GRINA: variants seen among roughly 807,000 people sequenced by gnomAD.
The protein encoded by GRINA is protein lifeguard 1.
In GRINA, 26 loss-of-function variants were observed where a neutral mutation model predicts 42.5. The observed-to-expected ratio is 0.61, with a 90% CI of 0.45 to 0.85. The LOEUF (loss-of-function observed/expected upper bound fraction) is 0.85, where lower values mean the gene tolerates loss of function less well. Among genes scored for constraint, GRINA ranks in the 40% least tolerant of loss-of-function variants. GRINA has a pLI of 0.00. For synonymous variants in GRINA, 256 were observed against 204.2 expected (o/e 1.25, Z -2.17); for missense variants, 475 against 481.5 (o/e 0.99, Z 0.13).
rs143329355 is a variant in GRINA at position 143,991,290 on chromosome 8, G to A, written c.67G>A (p.Gly23Arg). The change falls in exon 2 of 7, where the codon GGG becomes AGG. Residue 23 changes from glycine to arginine, a missense_variant. This residue lies in a region of GRINA where 321 missense variants were observed against 267.2 expected (regional missense o/e 1.20). Coordinates refer to ENST00000395068, the MANE Select transcript of GRINA (RefSeq NM_001009184.2). ...TCCTCCCCCCAACCCTGGATATCCG[G>A]GGGGGCCCCAGCCACCCATGCCCCC... ...NYPPPNPGYP[G>R]GPQPPMPPYA... 1.3e-6 allele frequency: 2 copies of A among 1,494,844 alleles called. No individual in the cohort carries two copies. Among genetic ancestry groups the A allele is most frequent in the Non-Finnish European group, 1.8e-6 (2 of 1,106,162 alleles). The allele number at this position is 1,494,844 out of a possible 1,614,324, so 92.6% of individuals were successfully genotyped here.
In GRINA at chr8:143,991,185, G is replaced by C. The variant is rs782344585; in HGVS notation, c.-24-15G>C. On this transcript the variant is annotated splice_polypyrimidine_tract_variant and intron_variant, in intron 1 of 6. Transcript: ENST00000395068. ...CAAGCCAACTGTTCCACTGTTCCTT[G>C]TCTGTCTTCTCTAGGGGCGGACCGC... The C allele has an allele frequency of 1.3e-6, 2 of 1,489,882 alleles. No homozygotes were observed. Among genetic ancestry groups the C allele is most frequent in the South Asian group, 2.6e-5 (2 of 76,340 alleles). 92.3% of individuals were successfully genotyped at this position (1,489,882 alleles called of 1,614,324 possible).
Position 143,992,937 on chromosome 8 carries a change from T to G in GRINA, c.*96T>G. 9.6e-7 allele frequency: 1 copy of G among 1,045,476 alleles called. No individual in the cohort carries two copies. Among genetic ancestry groups the G allele is most frequent in the Non-Finnish European group, 1.4e-6 (1 of 710,768 alleles). 64.8% of individuals were successfully genotyped at this position (1,045,476 alleles called of 1,614,324 possible). On this transcript the variant is annotated 3_prime_UTR_variant, in exon 7 of 7. Coordinates refer to ENST00000395068, the MANE Select transcript of GRINA (RefSeq NM_001009184.2). ...CCAGCTGTACTTCCCCTCTCTCTTG[T>G]CCCCAGGCACAGCCTAGGGAAAAGG...
chr8:143,992,656 G>T (rs1429649780), intron 6 of GRINA, 36 bp from the exon 7 acceptor site: 10 of 1,613,800 alleles, frequency 6.2e-6, no homozygotes, highest in Non-Finnish European at 7.6e-6. Context: ...GGGCAGGCAG[G>T]CTTGTCCCTC....
rs782139363 is a variant in GRINA, at chr8:143,992,578, C to T, written c.936C>T (p.Tyr312=). 198 of 1,614,028 alleles carry T rather than the reference C, an allele frequency of 1.2e-4. No individual in the cohort carries two copies. The highest frequency in any genetic ancestry group is 1.6e-4 in the Middle Eastern group (1 of 6,084). ...GGAACCGCATCCTGGAGATCGTGTA[C>T]GCCTCACTGGGCGCTCTGCTCTTCA... ...FIRNRILEIV[Y]ASLGALLFTC... Residue 312 remains tyrosine, a synonymous_variant, in exon 6 of 7, where the codon TAC becomes TAT. Transcript: ENST00000395068.
At chr8:143,991,659 G>A in intron 2 of GRINA, 33 bp from the exon 3 acceptor site, 4 of 1,592,478 alleles carry the variant, frequency 2.5e-6, no homozygotes, top group Non-Finnish European at 3.4e-6. Flanking sequence ...AGGTGCTTGT[G>A]AGTGGCGCTG....
Position 143,991,955 on chromosome 8 carries a change from G to C in GRINA, c.570G>C (p.Lys190Asn). Residue 190 changes from lysine to asparagine, a missense_variant, in exon 4 of 7, where the codon AAG (lysine) becomes AAC (asparagine). Transcript: ENST00000395068. ...VSVFTFVAEVKGFVRENVWTY... is the reference protein window; with the variant it reads ...VSVFTFVAEVNGFVRENVWTY... Reference sequence around the variant, plus strand: ...TGTTCACTTTTGTTGCGGAGGTGAAGGGCTTTGTCCGGGAGAATGTCTGGA... The same window carrying C: ...TGTTCACTTTTGTTGCGGAGGTGAACGGCTTTGTCCGGGAGAATGTCTGGA... 1 of 1,613,874 alleles carries C rather than the reference G, an allele frequency of 6.2e-7. No individual in the cohort carries two copies. The highest frequency in any genetic ancestry group is 8.5e-7 in the Non-Finnish European group (1 of 1,179,874).
Position 143,991,779 on chromosome 8 carries a change from G to T in GRINA, c.467G>T (p.Ser156Ile), listed in dbSNP as rs782433978. ...CCTGCCACCAACTGGGATGACAAGA[G>T]CATCCGACAGGCCTTCATCCGCAAG... ...DFPATNWDDK[S>I]IRQAFIRKVF... is the part of the protein sequence containing the mutation. Residue 156 changes from serine to isoleucine, a missense_variant, in exon 3 of 7, where the codon AGC (serine) becomes ATC (isoleucine). By Grantham distance (142) the Ser-to-Ile change is moderately radical. This residue lies in a region of GRINA where 321 missense variants were observed against 267.2 expected (regional missense o/e 1.20). Transcript: ENST00000395068. 1 of 1,613,172 alleles carries T rather than the reference G, an allele frequency of 6.2e-7. No individual in the cohort carries two copies. The highest frequency in any genetic ancestry group is 1.1e-5 in the South Asian group (1 of 91,070).
In GRINA at chr8:143,992,864, C is replaced by T. The variant is rs782703973; in HGVS notation, c.*23C>T. 20 of 1,608,060 alleles carry T rather than the reference C, an allele frequency of 1.2e-5. No homozygotes were observed. The highest frequency in any genetic ancestry group is 4.0e-5 in the African/African-American group (3 of 74,858). ...TAGCCGAGCTCCAGCTCGCTGTGCCCGCTCAGGTGGCACGGCTGGCCTGGA... is the reference window on the plus strand; with the variant it reads ...TAGCCGAGCTCCAGCTCGCTGTGCCTGCTCAGGTGGCACGGCTGGCCTGGA... On this transcript the variant is annotated 3_prime_UTR_variant, in exon 7 of 7. Coordinates refer to ENST00000395068, the MANE Select transcript of GRINA (RefSeq NM_001009184.2).
chr8:143,991,781 A>G lies in GRINA; in HGVS notation c.469A>G (p.Ile157Val), dbSNP rs782014309. ...FPATNWDDKS[I>V]RQAFIRKVFL... ...TGCCACCAACTGGGATGACAAGAGC[A>G]TCCGACAGGCCTTCATCCGCAAGGT... Residue 157 changes from isoleucine (I) to valine (V), a missense_variant, in exon 3 of 7, where the codon ATC becomes GTC. Physicochemically the swap from Ile to Val is conservative, Grantham distance 29. This residue lies in a region of GRINA where 321 missense variants were observed against 267.2 expected (regional missense o/e 1.20). Coordinates refer to ENST00000395068, the MANE Select transcript of GRINA (RefSeq NM_001009184.2). The G allele has an allele frequency of 4.3e-5, 69 of 1,613,494 alleles. No individual in the cohort carries two copies. The highest frequency in any genetic ancestry group is 5.7e-5 in the Non-Finnish European group (67 of 1,179,544).
chr8:143,992,958 A>C lies in GRINA; in HGVS notation c.*117A>C. ...CTTGTCCCCAGGCACAGCCTAGGGA[A>C]AAGGATGCCTCTCTCCAACCCTCCT... On this transcript the variant is annotated 3_prime_UTR_variant, in exon 7 of 7. Transcript: ENST00000395068. The C allele has an allele frequency of 4.8e-6, 4 of 831,770 alleles. No individual in the cohort carries two copies. The highest frequency in any genetic ancestry group is 1.7e-5 in the South Asian group (1 of 59,052). 51.5% of individuals were successfully genotyped at this position (831,770 alleles called of 1,614,324 possible).
rs1834128910 is a variant in GRINA, at chr8:143,993,139, G to C, written c.*298G>C. ...GAGCCCTGTCTGCCAGCCCACCCCA[G>C]GGACTGGGGGCAGCACCAGGTCCCG... On this transcript the variant is annotated 3_prime_UTR_variant, in exon 7 of 7. Transcript: ENST00000395068. 14 of 380,952 alleles carry C rather than the reference G, an allele frequency of 3.7e-5. No homozygotes were observed. Among genetic ancestry groups the C allele is most frequent in the South Asian group, 3.2e-4 (12 of 37,232 alleles). The allele number at this position is 380,952 out of a possible 1,614,324, so 23.6% of individuals were successfully genotyped here.
In GRINA at chr8:143,992,682, T is replaced by C. The variant is rs2133066664; in HGVS notation, c.967-10T>C. On this transcript the variant is annotated splice_polypyrimidine_tract_variant and intron_variant, in intron 6 of 6. Transcript: ENST00000395068. Reference sequence around the variant, plus strand: ...CTTGTCCCTCAACACCACTGTGCTGTCACCTCCAGTTCCTCGCAGTGGACA... The same window carrying C: ...CTTGTCCCTCAACACCACTGTGCTGCCACCTCCAGTTCCTCGCAGTGGACA... 2 of 1,613,924 alleles carry C rather than the reference T, an allele frequency of 1.2e-6. No homozygotes were observed. Among genetic ancestry groups the C allele is most frequent in the African/African-American group, 2.7e-5 (2 of 75,050 alleles).
At chr8:143,992,435 C>T in intron 5 of GRINA, 30 bp from the exon 6 acceptor site, 1 of 1,613,732 alleles carries the variant, frequency 6.2e-7, no homozygotes, top group East Asian at 2.2e-5. Context: ...CCAGGCCCAG[C>T]CCCATGGCCC....
Position 143,992,494 on chromosome 8 carries a change from C to T in GRINA, c.852C>T (p.Gly284=), listed in dbSNP as rs782316215. ...GCTACGACTTCACCTCATGCATGGGCGTGCTCCTGGTGAGCATGGTGGTGC... is the reference window on the plus strand; with the variant it reads ...GCTACGACTTCACCTCATGCATGGGTGTGCTCCTGGTGAGCATGGTGGTGC... ...QTRYDFTSCM[G]VLLVSMVVLF... is the part of the protein sequence containing the mutation. The change falls in exon 6 of 7, where the codon GGC becomes GGT. Residue 284 remains glycine, a synonymous_variant. Transcript: ENST00000395068. The T allele has an allele frequency of 6.8e-6, 11 of 1,614,020 alleles. No individual in the cohort carries two copies. The highest frequency in any genetic ancestry group is 6.6e-5 in the South Asian group (6 of 91,094).
Position 143,992,950 on chromosome 8 carries a change from C to T in GRINA, c.*109C>T. ...CCCTCTCTCTTGTCCCCAGGCACAG[C>T]CTAGGGAAAAGGATGCCTCTCTCCA... On this transcript the variant is annotated 3_prime_UTR_variant, in exon 7 of 7. Coordinates refer to ENST00000395068, the MANE Select transcript of GRINA (RefSeq NM_001009184.2). 1.1e-6 allele frequency: 1 copy of T among 932,598 alleles called. No individual in the cohort carries two copies. Among genetic ancestry groups the T allele is most frequent in the East Asian group, 2.6e-5 (1 of 38,334 alleles). The allele number at this position is 932,598 out of a possible 1,614,324, so 57.8% of individuals were successfully genotyped here.
Position 143,992,033 on chromosome 8 carries a change from T to C in GRINA, c.648T>C (p.Cys216=). The C allele has an allele frequency of 6.2e-7, 1 of 1,613,936 alleles. No homozygotes were observed. Among genetic ancestry groups the C allele is most frequent in the South Asian group, 1.1e-5 (1 of 91,078 alleles). Residue 216 remains cysteine, a synonymous_variant, in exon 4 of 7, where the codon TGT becomes TGC. Coordinates refer to ENST00000395068, the MANE Select transcript of GRINA (RefSeq NM_001009184.2). ...TCATCTCTCTCATCGTCCTCAGCTG[T>C]TGTGGGGACTTCCGGCGAAAGCACC... ...VFFISLIVLS[C]CGDFRRKHPW... is the part of the protein sequence containing the mutation.
Position 143,992,674 on chromosome 8 carries a change from C to G in GRINA, c.967-18C>G, listed in dbSNP as rs1554750769. The G allele has an allele frequency of 6.2e-7, 1 of 1,613,812 alleles. No individual in the cohort carries two copies. Among genetic ancestry groups the G allele is most frequent in the East Asian group, 2.2e-5 (1 of 44,898 alleles). On this transcript the variant is annotated intron_variant, in intron 6 of 6. Coordinates refer to ENST00000395068, the MANE Select transcript of GRINA (RefSeq NM_001009184.2). ...CAGGCAGGCTTGTCCCTCAACACCA[C>G]TGTGCTGTCACCTCCAGTTCCTCGC...
Position 143,991,203 on chromosome 8 carries a change from C to T in GRINA, c.-21C>T, listed in dbSNP as rs527618588. On this transcript the variant is annotated 5_prime_UTR_variant, in exon 2 of 7. Coordinates refer to ENST00000395068, the MANE Select transcript of GRINA (RefSeq NM_001009184.2). ...GTTCCTTGTCTGTCTTCTCTAGGGG[C>T]GGACCGCGGAACCCGAGGCCATGTC... 1.8e-5 allele frequency: 27 copies of T among 1,540,296 alleles called. 1 individual carries two copies. The Middle Eastern group carries it at 6.9e-4, about 40-fold the overall frequency.
Position 143,992,543 on chromosome 8 carries a change from A to G in GRINA, c.901A>G (p.Ile301Val), listed in dbSNP as rs781855574. 13 of 1,614,032 alleles carry G rather than the reference A, an allele frequency of 8.1e-6. No individual in the cohort carries two copies. Among genetic ancestry groups the G allele is most frequent in the African/African-American group, 1.3e-5 (1 of 74,922 alleles). The change falls in exon 6 of 7, where the codon ATC (isoleucine) becomes GTC (valine). Residue 301 changes from isoleucine to valine, a missense_variant. Ile to Val is a conservative substitution (Grantham distance 29). Coordinates refer to ENST00000395068, the MANE Select transcript of GRINA (RefSeq NM_001009184.2). ...VVLFIFAILC[I>V]FIRNRILEIV... ...GCTCTTCATCTTCGCCATTCTCTGC[A>G]TCTTCATCCGGAACCGCATCCTGGA...
Sources: allele counts gnomAD v4.1 joint callset, GRCh38; gene constraint gnomAD v4.1.1; regional missense constraint gnomAD v4.1.1; transcripts MANE v1.5; gene names NCBI Gene and HGNC (gene_info 2026-07-23, HGNC 2026-07-21).